ARSJ: variants seen among roughly 807,000 people sequenced by gnomAD.
ARSJ encodes arylsulfatase family member J.
A neutral mutation model predicts 35.9 loss-of-function variants in ARSJ; 26 were observed. The ratio of observed to expected loss-of-function variants is 0.72; its 90% CI spans 0.53 to 1.00. ARSJ has a LOEUF of 1.00. Ranked by LOEUF, ARSJ falls within the 50% of genes least tolerant of loss-of-function variation. The pLI is 0.00. For missense variants in ARSJ, 667 were observed against 723.6 expected (o/e 0.92, Z 0.90); for synonymous variants, 294 against 267.6 (o/e 1.10, Z -0.96).
At chr4:113,945,039 T>A (rs1725389455) in intron 1 of ARSJ, among the ~76,000 whole-genome samples, 1 of 152,128 alleles carries the variant, frequency 6.6e-6, no homozygotes, top group Admixed American at 6.6e-5. Context: ...AATAATTTAT[T>A]TAGCTTTTGA....
intron 1 of ARSJ, among the ~76,000 whole-genome samples, chr4:113,956,459 C>T (rs1562368828): frequency 6.6e-6 from 1 of 151,882 alleles, no homozygotes; most frequent in African/African-American, 2.4e-5. Context: ...TCTTTACTGG[C>T]CATTTACTAT....
intron 1 of ARSJ, among the ~76,000 whole-genome samples, chr4:113,935,368 C>T (rs997885221): frequency 4.0e-5 from 6 of 151,836 alleles, no homozygotes; most frequent in Admixed American, 1.3e-4. Context: ...TGAGCAACTT[C>T]TGTGAGTAAG....
chr4:113,948,831 A>C (rs906842658), intron 1 of ARSJ, among the ~76,000 whole-genome samples: 11 of 152,080 alleles, frequency 7.2e-5, no homozygotes, highest in Non-Finnish European at 1.6e-4. Flanking sequence ...TTGTTCTTGG[A>C]ATTTTCTGTA....
At chr4:113,936,484 C>T (rs1297621751) in intron 1 of ARSJ, among the ~76,000 whole-genome samples, 1 of 151,812 alleles carries the variant, frequency 6.6e-6, no homozygotes, top group Non-Finnish European at 1.5e-5. Flanking sequence ...TTTCATTAAA[C>T]ATTTTGATTT....
chr4:113,961,786 A>C (rs1726551507), intron 1 of ARSJ, among the ~76,000 whole-genome samples: 1 of 152,144 alleles, frequency 6.6e-6, no homozygotes, highest in Non-Finnish European at 1.5e-5. Flanking sequence ...ATAATTCTAA[A>C]AATGTAAGTG....
intron 1 of ARSJ, among the ~76,000 whole-genome samples, chr4:113,966,523 G>A (rs1726904819): frequency 6.6e-6 from 1 of 152,104 alleles, no homozygotes; most frequent in Non-Finnish European, 1.5e-5. Context: ...TTTGGTGTTG[G>A]TAATGAAAGG....
At position 113,908,726 on chromosome 4, in the gene ARSJ, A is replaced by G. The variant is rs566982423; in HGVS notation, c.399-5051T>C. Among the ~76,000 whole-genome samples the G allele has an allele frequency of 3.9e-5, 6 of 152,320 alleles. No homozygotes were observed. The East Asian group carries it at 9.6e-4, about 24-fold the overall frequency. On this transcript the variant is annotated intron_variant, in intron 1 of 1. Transcript: ENST00000315366. Reference sequence around the variant, plus strand: ...ACTTATTTATAAATTACACTCATGCATACTGTATTAATTTAGGAACATTAT... The same window carrying G: ...ACTTATTTATAAATTACACTCATGCGTACTGTATTAATTTAGGAACATTAT...
chr4:113,931,574 TA>T lies in ARSJ; in HGVS notation c.399-27900del, dbSNP rs374472115. Among the ~76,000 whole-genome samples, 40 of 152,202 alleles carry T rather than the reference TA, an allele frequency of 2.6e-4. 1 individual carries two copies. The highest frequency in any genetic ancestry group is 9.4e-4 in the African/African-American group (39 of 41,542). On this transcript the variant is annotated intron_variant, in intron 1 of 1. Coordinates refer to ENST00000315366, the MANE Select transcript of ARSJ (RefSeq NM_024590.4). Reference sequence around the variant, plus strand: ...ATAAATGTCTTCAAGAAACTATTTTTACCAGTTATGATTAAAAATACATTTC... The same window carrying T: ...ATAAATGTCTTCAAGAAACTATTTTTCCAGTTATGATTAAAAATACATTTC...
At position 113,903,605 on chromosome 4, in the gene ARSJ, T is replaced by C; in HGVS notation, c.469A>G (p.Asn157Asp). 3.1e-6 allele frequency: 5 copies of C among 1,614,224 alleles called. No homozygotes were observed. Among genetic ancestry groups the C allele is most frequent in the Admixed American group, 1.7e-5 (1 of 60,022 alleles). The change falls in exon 2 of 2, where the codon AAT becomes GAT. Residue 157 changes from asparagine to aspartate, a missense_variant. By Grantham distance (23) the Asn-to-Asp change is conservative. Coordinates refer to ENST00000315366, the MANE Select transcript of ARSJ (RefSeq NM_024590.4). ...PTQPNCLPLDNATLPQKLKEV... is the reference protein window; with the variant it reads ...PTQPNCLPLDDATLPQKLKEV... ...TTCAGTTTCTGAGGTAGGGTGGCAT[T>C]GTCCAGAGGTAAACAGTTGGGTTGG... is the stretch of plus-strand genomic sequence containing the variant.
intron 1 of ARSJ, among the ~76,000 whole-genome samples, chr4:113,955,964 T>G (rs10012206): frequency 6.6e-6 from 1 of 152,218 alleles, no homozygotes; most frequent in South Asian, 2.1e-4. Context: ...ATTTGTAGTA[T>G]GGAAACTGAA....
chr4:113,908,613 A>G (rs2099669485), intron 1 of ARSJ, among the ~76,000 whole-genome samples: 1 of 152,156 alleles, frequency 6.6e-6, no homozygotes, highest in Admixed American at 6.6e-5. Flanking sequence ...GCAAATTCTG[A>G]CGAGTAATAA....
intron 1 of ARSJ, among the ~76,000 whole-genome samples, chr4:113,965,649 A>G (rs150874435): frequency 0.012 from 1,866 of 152,216 alleles, 30 homozygotes; most frequent in African/African-American, 0.043. Context: ...GGTAATGTAC[A>G]TAAGGTATAT....
rs1353020088 is a variant in ARSJ at position 113,902,546 on chromosome 4, T to TA, written c.1527dup (p.Asn510Ter). 6.2e-7 allele frequency: 1 copy of TA among 1,614,136 alleles called. No homozygotes were observed. Among genetic ancestry groups the TA allele is most frequent in the Non-Finnish European group, 8.5e-7 (1 of 1,180,016 alleles). ...TTCTTCACGATTCCTGGATACCTGT[T>TA]AGATAGGTCCACCCTCTCATATGGG... is the stretch of plus-strand genomic sequence containing the variant. On this transcript the variant is annotated frameshift_variant, in exon 2 of 2. Coordinates refer to ENST00000315366, the MANE Select transcript of ARSJ (RefSeq NM_024590.4). LOFTEE classifies it low-confidence loss of function (END_TRUNC).
At chr4:113,941,923 CAT>C (rs1725184947) in intron 1 of ARSJ, among the ~76,000 whole-genome samples, 1 of 151,932 alleles carries the variant, frequency 6.6e-6, no homozygotes, top group Non-Finnish European at 1.5e-5. Context: ...GTAAGAAGCA[CAT>C]GTTTCCAGAA....
chr4:113,949,919 C>G (rs1209404953), intron 1 of ARSJ, among the ~76,000 whole-genome samples: 1 of 152,078 alleles, frequency 6.6e-6, no homozygotes, highest in East Asian at 1.9e-4. Context: ...CACAGTTTGT[C>G]TTCCCCTTAA....
At chr4:113,933,306 T>C (rs2149265358) in intron 1 of ARSJ, among the ~76,000 whole-genome samples, 1 of 151,878 alleles carries the variant, frequency 6.6e-6, no homozygotes, top group Non-Finnish European at 1.5e-5. Context: ...ACTAAAAATC[T>C]TCAAAAAAAA....
At chr4:113,916,094 G>A (rs1259126955) in intron 1 of ARSJ, among the ~76,000 whole-genome samples, 1 of 152,162 alleles carries the variant, frequency 6.6e-6, no homozygotes, top group Non-Finnish European at 1.5e-5. Context: ...TTTCCTGGGT[G>A]GTATGTGAGA....
chr4:113,909,122 G>C (rs915909452), intron 1 of ARSJ, among the ~76,000 whole-genome samples: 1 of 151,986 alleles, frequency 6.6e-6, no homozygotes, highest in African/African-American at 2.4e-5. Flanking sequence ...AAATCAGTGA[G>C]AGAAGTACAG....
intron 1 of ARSJ, among the ~76,000 whole-genome samples, chr4:113,938,111 A>G (rs1377427751): frequency 6.6e-6 from 1 of 152,000 alleles, no homozygotes; most frequent in East Asian, 1.9e-4. Flanking sequence ...TAAACCTGGA[A>G]GCATCATGCT....
Sources: gnomAD v4.1 joint callset for allele counts (sites outside exome capture counted in the v4.1 genomes callset) on GRCh38, gnomAD v4.1.1 for gene constraint, MANE v1.5 for transcripts, NCBI Gene and HGNC (gene_info 2026-07-23, HGNC 2026-07-21) for gene names.